BLTP1: variants seen among roughly 807,000 people sequenced by gnomAD.
The protein encoded by BLTP1 is fragile site-associated protein.
chr4:122,182,536 G>C, the BLTP1 span: 1 of 512,600 alleles, frequency 2.0e-6, no homozygotes, highest in South Asian at 8.4e-5. Flanking sequence ...GCTCCCCTCC[G>C]CTCCACATCT....
At chr4:122,362,281 G>GTGTC in the BLTP1 span, 3 of 1,554,284 alleles carry the variant, frequency 1.9e-6, no homozygotes, top group Non-Finnish European at 1.8e-6. Flanking sequence ...AATTATGATT[G>GTGTC]TGTCTGTTTT....
the BLTP1 span, chr4:122,310,793 C>A: frequency 4.7e-6 from 1 of 213,136 alleles, no homozygotes; most frequent in Non-Finnish European, 8.1e-6. Flanking sequence ...GCAGTGTGTA[C>A]TAAACCCCAT....
the BLTP1 span, among the ~76,000 whole-genome samples, chr4:122,169,389 G>C: frequency 6.6e-6 from 1 of 152,052 alleles, no homozygotes; most frequent in African/African-American, 2.4e-5. Flanking sequence ...GAAAAAATTT[G>C]CTGTTTTTGT....
At chr4:122,232,826 A>G in the BLTP1 span, among the ~76,000 whole-genome samples, 7 of 152,072 alleles carry the variant, frequency 4.6e-5, no homozygotes, top group Non-Finnish European at 1.0e-4. Context: ...GCTTGCATTC[A>G]TGTCATACCC....
the BLTP1 span, chr4:122,249,572 T>C: frequency 6.2e-7 from 1 of 1,613,798 alleles, no homozygotes; most frequent in South Asian, 1.1e-5. Context: ...TTTACTTTTG[T>C]GGATGAAACT....
the BLTP1 span, chr4:122,188,060 C>T: frequency 9.1e-6 from 14 of 1,532,060 alleles, no homozygotes; most frequent in Admixed American, 1.7e-4. Flanking sequence ...TGTTCCTAGT[C>T]CAAGATATGT....
the BLTP1 span, among the ~76,000 whole-genome samples, chr4:122,257,660 C>G: frequency 6.6e-6 from 1 of 152,120 alleles, no homozygotes; most frequent in South Asian, 2.1e-4. Context: ...TTTTTCCTCA[C>G]AGTTACAAAT....
the BLTP1 span, chr4:122,273,322 A>G: frequency 1.0e-6 from 1 of 984,496 alleles, no homozygotes; most frequent in Non-Finnish European, 1.2e-6. Flanking sequence ...AAATTTGAGG[A>G]TTATGTACTT....
At chr4:122,209,886 T>A in the BLTP1 span, 1 of 1,613,572 alleles carries the variant, frequency 6.2e-7, no homozygotes. Flanking sequence ...TGGCATCCAA[T>A]TTATCCACAA....
chr4:122,231,313 G>A, the BLTP1 span, among the ~76,000 whole-genome samples: 29 of 152,252 alleles, frequency 1.9e-4, no homozygotes, highest in Admixed American at 1.4e-3. Context: ...TACCTTTTGA[G>A]TGTTTTCTGA....
chr4:122,299,785 AATG>A, the BLTP1 span: 1 of 984,100 alleles, frequency 1.0e-6, no homozygotes, highest in African/African-American at 1.8e-5. Context: ...TAGGGTTATC[AATG>A]ATGAGGCTTA....
the BLTP1 span, among the ~76,000 whole-genome samples, chr4:122,163,651 A>C: frequency 6.6e-6 from 1 of 152,212 alleles, no homozygotes; most frequent in Non-Finnish European, 1.5e-5. Flanking sequence ...ATCAATTTAC[A>C]CACTATAACT....
the BLTP1 span, among the ~76,000 whole-genome samples, chr4:122,240,710 C>T: frequency 2.6e-5 from 4 of 152,104 alleles, no homozygotes; most frequent in Non-Finnish European, 5.9e-5. Context: ...TAATTCATAA[C>T]TCCTTCCATG....
the BLTP1 span, chr4:122,215,316 AT>A: frequency 9.6e-6 from 9 of 937,500 alleles, no homozygotes; most frequent in Non-Finnish European, 1.1e-5. Context: ...AGGAATCTAA[AT>A]TTTTTTAAGA....
At chr4:122,346,692 C>T in the BLTP1 span, 1 of 1,613,288 alleles carries the variant, frequency 6.2e-7, no homozygotes, top group Admixed American at 1.7e-5. Context: ...CTGGCATTTC[C>T]AAGAGCATGG....
chr4:122,174,169 A>C, the BLTP1 span: 148 of 983,782 alleles, frequency 1.5e-4, no homozygotes, highest in Non-Finnish European at 9.1e-5. Flanking sequence ...CTTTTAGTCG[A>C]CATAAAACTT....
At chr4:122,351,892 T>C in the BLTP1 span, among the ~76,000 whole-genome samples, 1 of 152,176 alleles carries the variant, frequency 6.6e-6, no homozygotes, top group Non-Finnish European at 1.5e-5. Context: ...GGTTGGATTA[T>C]GGGTGAGAGG....
At chr4:122,350,264 A>G in the BLTP1 span, 1 of 985,416 alleles carries the variant, frequency 1.0e-6, no homozygotes, top group Non-Finnish European at 1.2e-6. Context: ...TTAGGAAGAC[A>G]TCATTTGTTA....
At chr4:122,224,672 CCA>C in the BLTP1 span, 1 of 1,614,020 alleles carries the variant, frequency 6.2e-7, no homozygotes, top group Non-Finnish European at 8.5e-7. Context: ...GGTCACAGCA[CCA>C]CAGGTATGGT....
Sources: allele counts gnomAD v4.1 joint callset (sites outside exome capture counted in the v4.1 genomes callset), GRCh38; gene constraint gnomAD v4.1.1; transcripts MANE v1.5; gene names NCBI Gene and HGNC (gene_info 2026-07-23, HGNC 2026-07-21).